C1orf167: variants seen among roughly 807,000 people sequenced by gnomAD.
The protein encoded by C1orf167 is chromosome 1 open reading frame 167.
In C1orf167, 153 loss-of-function variants were observed where a neutral mutation model predicts 176.5. The ratio of observed to expected loss-of-function variants is 0.87; its 90% CI spans 0.76 to 0.99. The LOEUF is 0.99. Ranked by LOEUF, C1orf167 falls within the 50% of genes least tolerant of loss-of-function variation. The probability of loss-of-function intolerance (pLI) is 0.00; values close to 1 mark genes in which losing one functional copy is unlikely to be tolerated. For missense variants in C1orf167, 1,490 were observed against 1,817.7 expected, an observed-to-expected ratio of 0.82 and a Z score of 3.28; for synonymous variants, 594 against 752.7, an observed-to-expected ratio of 0.79 and a Z score of 3.45.
At chr1:11,767,550 C>T (rs1044875049) in intron 4 of C1orf167, among the ~76,000 whole-genome samples, 8 of 152,074 alleles carry the variant, frequency 5.3e-5, no homozygotes, top group African/African-American at 1.4e-4. Context: ...TGGCTGGATG[C>T]GGTGGCTCAT....
chr1:11,767,383 A>G, intron 4 of C1orf167, 119 bp downstream of exon 4: 1 of 922,608 alleles, frequency 1.1e-6, no homozygotes, highest in Non-Finnish European at 1.5e-6. Context: ...GCAGGGTTTC[A>G]AGGAAGAGGA....
At chr1:11,788,849 C>T (rs1458080305) in intron 20 of C1orf167, 103 bp downstream of exon 20, 1 of 1,097,114 alleles carries the variant, frequency 9.1e-7, no homozygotes, top group Non-Finnish European at 1.2e-6. Context: ...CCCTGCTTGC[C>T]AGCCCCGGGG....
chr1:11,782,426 C>T, intron 14 of C1orf167, 93 bp downstream of exon 14: 1 of 1,117,890 alleles, frequency 8.9e-7, no homozygotes, highest in Non-Finnish European at 1.1e-6. Context: ...AGACGGTGGC[C>T]CAGATAGGAG....
In C1orf167 at chr1:11,788,309, C is replaced by G; in HGVS notation, c.4009C>G (p.Gln1337Glu). 1.5e-6 allele frequency: 2 copies of G among 1,303,118 alleles called. No individual in the cohort carries two copies. Among genetic ancestry groups the G allele is most frequent in the Non-Finnish European group, 2.0e-6 (2 of 988,372 alleles). The allele number at this position is 1,303,118 out of a possible 1,614,324, so 80.7% of individuals were successfully genotyped here. ...ASRAAGFPAGQVPGSGMAALG... is the reference protein window; with the variant it reads ...ASRAAGFPAGEVPGSGMAALG... ...ACGGGCTGCGGGGTTCCCAGCAGGCCAGGTGCCTGGCAGTGGCATGGCAGC... is the reference window on the plus strand; with the variant it reads ...ACGGGCTGCGGGGTTCCCAGCAGGCGAGGTGCCTGGCAGTGGCATGGCAGC... The change falls in exon 19 of 21, where the codon CAG (glutamine) becomes GAG (glutamate). Residue 1337 changes from glutamine to glutamate, a missense_variant. By Grantham distance (29) the Gln-to-Glu change is conservative. Coordinates refer to ENST00000688073, the MANE Select transcript of C1orf167 (RefSeq NM_001010881.2).
intron 8 of C1orf167, among the ~76,000 whole-genome samples, chr1:11,773,030 T>G (rs1358812861): frequency 1.3e-5 from 2 of 150,652 alleles, no homozygotes; most frequent in African/African-American, 4.9e-5. Context: ...CCCAAGTACC[T>G]GGGACTACAG....
At chr1:11,788,088 T>G (rs1401072589) in intron 18 of C1orf167, 41 bp downstream of exon 18, 1 of 1,280,412 alleles carries the variant, frequency 7.8e-7, no homozygotes, top group African/African-American at 1.5e-5. Context: ...GTCCGAGGGA[T>G]GGGGGCAAGG....
rs1372990037 is a variant in C1orf167 at position 11,787,939 on chromosome 1, G to A, written c.3740G>A (p.Trp1247Ter). ...LWPQWPGQSS[W>*]VPGLPLWTRD... Reference sequence around the variant, plus strand: ...CCACAGTGGCCTGGACAGAGTAGCTGGGTCCCAGGCCTGCCCCTGTGGACG... The same window carrying A: ...CCACAGTGGCCTGGACAGAGTAGCTAGGTCCCAGGCCTGCCCCTGTGGACG... Residue 1247 changes from tryptophan (W) to a stop codon, truncating the protein, a stop_gained, in exon 18 of 21, where the codon TGG becomes TAG. Coordinates refer to ENST00000688073, the MANE Select transcript of C1orf167 (RefSeq NM_001010881.2). LOFTEE classifies it high-confidence loss of function. 1 of 1,303,766 alleles carries A rather than the reference G, an allele frequency of 7.7e-7. No individual in the cohort carries two copies. 80.8% of individuals were successfully genotyped at this position (1,303,766 alleles called of 1,614,324 possible). A position where few individuals can be genotyped will look rare whatever the true frequency, so the allele number is the denominator to read the frequency against.
Position 11,776,614 on chromosome 1 carries a change from G to T in C1orf167, c.2315G>T (p.Arg772Leu). The change falls in exon 10 of 21, where the codon CGG (arginine) becomes CTG (leucine). Residue 772 changes from arginine to leucine, a missense_variant. Physicochemically the swap from Arg to Leu is moderately radical, Grantham distance 102. Transcript: ENST00000688073. ...LCWALLLWKM[R>L]LFQRQWANSF... The stretch of plus-strand genomic sequence containing the variant: ...TGGGCGCTGCTGCTGTGGAAGATGC[G>T]GCTTTTCCAGCGCCAGTGGGCCAAG... 1 of 1,201,008 alleles carries T rather than the reference G, an allele frequency of 8.3e-7. No homozygotes were observed. The highest frequency in any genetic ancestry group is 1.5e-5 in the South Asian group (1 of 65,998). 74.4% of individuals were successfully genotyped at this position (1,201,008 alleles called of 1,614,324 possible).
intron 9 of C1orf167, 137 bp from the exon 10 acceptor site, chr1:11,776,327 G>A: frequency 1.4e-6 from 1 of 725,578 alleles, no homozygotes; most frequent in Non-Finnish European, 1.9e-6. Context: ...GTGACCTGGA[G>A]GGGAGGGCTT....
chr1:11,765,962 C>T lies in C1orf167; in HGVS notation c.176C>T (p.Ser59Phe). The T allele has an allele frequency of 7.8e-7, 1 of 1,279,576 alleles. No individual in the cohort carries two copies. 79.3% of individuals were successfully genotyped at this position (1,279,576 alleles called of 1,614,324 possible). ...VERGGPAATPSPGAVLDQEPC... is the reference protein window; with the variant it reads ...VERGGPAATPFPGAVLDQEPC... ...AGGGGAGGGCCTGCTGCCACACCCT[C>T]CCCAGGGGCAGTGCTAGACCAGGAG... is the stretch of plus-strand genomic sequence containing the variant. The change falls in exon 3 of 21, where the codon TCC becomes TTC. Residue 59 changes from serine (S) to phenylalanine (F), a missense_variant. Ser to Phe is a radical substitution (Grantham distance 155). Transcript: ENST00000688073.
chr1:11,770,263 C>A (rs1642989618), intron 6 of C1orf167, among the ~76,000 whole-genome samples: 1 of 150,570 alleles, frequency 6.6e-6, no homozygotes, highest in Non-Finnish European at 1.5e-5. Context: ...AAAAAAAAAA[C>A]CTGAAAATGT....
In C1orf167 at chr1:11,766,848, G is replaced by A; in HGVS notation, c.1062G>A (p.Gly354=). Residue 354 remains glycine, a synonymous_variant, in exon 3 of 21, where the codon GGG becomes GGA. Transcript: ENST00000688073. The surrounding 1 kb of genome is among the most constrained non-coding windows in gnomAD (Gnocchi z 4.5). ...GLPPAHPLGS[G]DSCSPWSQDG... is the part of the protein sequence containing the mutation. ...CTCCTGCCCACCCCCTAGGGTCAGG[G>A]GACAGCTGCTCCCCCTGGTCTCAAG... 1 of 1,283,770 alleles carries A rather than the reference G, an allele frequency of 7.8e-7. No homozygotes were observed. Among genetic ancestry groups the A allele is most frequent in the South Asian group, 1.2e-5 (1 of 80,626 alleles). 79.5% of individuals were successfully genotyped at this position (1,283,770 alleles called of 1,614,324 possible).
chr1:11,784,693 A>AT, intron 15 of C1orf167, 100 bp downstream of exon 15: 2 of 1,156,636 alleles, frequency 1.7e-6, no homozygotes, highest in Admixed American at 7.5e-5. Context: ...GCTGGGTGGC[A>AT]GGGCAAAGGC....
rs1235358134 is a variant in C1orf167, at chr1:11,785,143, C to T, written c.3426-5C>T. ...CCTGGCTGCAGACTCCTTCCTCTCC[C>T]GCAGGGTCCTAGAGGCCTCGGTGCA... On this transcript the variant is annotated splice_region_variant and splice_polypyrimidine_tract_variant and intron_variant, in intron 15 of 20. Coordinates refer to ENST00000688073, the MANE Select transcript of C1orf167 (RefSeq NM_001010881.2). 6.2e-6 allele frequency: 8 copies of T among 1,284,792 alleles called. No homozygotes were observed. In the Admixed American group the frequency reaches 6.9e-5, roughly 11 times the overall value. 79.6% of individuals were successfully genotyped at this position (1,284,792 alleles called of 1,614,324 possible).
Position 11,779,097 on chromosome 1 carries a change from A to G in C1orf167, c.2651+17A>G. On this transcript the variant is annotated intron_variant, in intron 12 of 20. Transcript: ENST00000688073. ...CCAGAGGCGGTAGGGATCCCTCCCC[A>G]TCCGCCCGCCACTCTATGGACTTAC... 1 of 1,222,072 alleles carries G rather than the reference A, an allele frequency of 8.2e-7. No individual in the cohort carries two copies. Among genetic ancestry groups the G allele is most frequent in the Non-Finnish European group, 1.0e-6 (1 of 954,410 alleles). 75.7% of individuals were successfully genotyped at this position (1,222,072 alleles called of 1,614,324 possible).
chr1:11,778,049 G>A (rs999565783), intron 10 of C1orf167: 2 of 152,144 alleles, frequency 1.3e-5, no homozygotes, highest in Non-Finnish European at 1.5e-5. Context: ...CTGAGCCTGG[G>A]GACCAGCTCC....
chr1:11,772,672 C>T (rs147837587), intron 8 of C1orf167, among the ~76,000 whole-genome samples: 37 of 152,226 alleles, frequency 2.4e-4, no homozygotes, highest in Admixed American at 1.3e-3. Context: ...CATGCTAGCC[C>T]GCCCCACTGG....
intron 1 of C1orf167, among the ~76,000 whole-genome samples, chr1:11,763,296 T>C (rs1642615198): frequency 6.6e-6 from 1 of 152,042 alleles, no homozygotes; most frequent in Non-Finnish European, 1.5e-5. Context: ...GAAAAATTAG[T>C]CTGGCGTGGT....
In C1orf167 at chr1:11,766,892, G is replaced by T. The variant is rs923579278; in HGVS notation, c.1106G>T (p.Gly369Val). ...TCTCAAGATGGCAGGGCACAGAGGG[G>T]TGACCCCAGTCTCCCTCGAGGGGTG... is the stretch of plus-strand genomic sequence containing the variant. ...PWSQDGRAQR[G>V]DPSLPRGVGS... Residue 369 changes from glycine (G) to valine (V), a missense_variant, in exon 3 of 21, where the codon GGT becomes GTT. Coordinates refer to ENST00000688073, the MANE Select transcript of C1orf167 (RefSeq NM_001010881.2). The surrounding 1 kb of genome is among the most constrained non-coding windows in gnomAD (Gnocchi z 4.5). 10 of 1,253,338 alleles carry T rather than the reference G, an allele frequency of 8.0e-6. No individual in the cohort carries two copies. The African/African-American group carries it at 1.2e-4, about 15-fold the overall frequency. The allele number at this position is 1,253,338 out of a possible 1,614,324, so 77.6% of individuals were successfully genotyped here. A position where few individuals can be genotyped will look rare whatever the true frequency, so the allele number is the denominator to read the frequency against.
Sources: allele counts gnomAD v4.1 joint callset (sites outside exome capture counted in the v4.1 genomes callset), GRCh38; gene constraint gnomAD v4.1.1; non-coding constraint Gnocchi (gnomAD v3.1); transcripts MANE v1.5; gene names NCBI Gene and HGNC (gene_info 2026-07-23, HGNC 2026-07-21).